The following TBL1XR1 variants were observed in gnomAD, a reference collection of about 807,000 sequenced individuals.
TBL1XR1 encodes TBL1X/Y related 1.
TBL1XR1 carries 5 observed loss-of-function variants against 66.9 expected under a neutral mutation model. That is an observed-to-expected ratio of 0.07 (90% CI 0.04 to 0.16). The LOEUF (loss-of-function observed/expected upper bound fraction) is 0.16. Ranked by LOEUF, TBL1XR1 falls within the 10% of genes least tolerant of loss-of-function variation. The pLI, the probability that TBL1XR1 is intolerant of heterozygous loss-of-function variation, is 1.00. For missense variants in TBL1XR1, 238 were observed against 623.2 expected (o/e 0.38, Z 6.58); for synonymous variants, 210 against 206.0 (o/e 1.02, Z -0.17).
intron 2 of TBL1XR1, among the ~76,000 whole-genome samples, chr3:177,075,193 G>A (rs1187471903): frequency 6.6e-6 from 1 of 152,194 alleles, no homozygotes; most frequent in Non-Finnish European, 1.5e-5. Context: ...TTCCAGCTTC[G>A]GTAGCACCCG....
chr3:177,038,211 G>C, intron 11 of TBL1XR1, 39 bp from the exon 12 acceptor site: 1 of 1,606,524 alleles, frequency 6.2e-7, no homozygotes, highest in African/African-American at 1.3e-5. Context: ...TCATTGTATA[G>C]ACTGGGTAGC....
rs554838673 is a variant in TBL1XR1, at chr3:177,036,613, A to G, written c.1122+1485T>C. Among the ~76,000 whole-genome samples the G allele has an allele frequency of 3.9e-5, 6 of 152,338 alleles. No individual in the cohort carries two copies. The South Asian group carries it at 1.2e-3, about 32-fold the overall frequency. On this transcript the variant is annotated intron_variant, in intron 12 of 15. Coordinates refer to ENST00000457928, the MANE Select transcript of TBL1XR1 (RefSeq NM_024665.7). Reference sequence around the variant, plus strand: ...TTCCAGAAGAAGTTTTTTTCATGTTATAAGCATTAATACGTGTGCACATAA... The same window carrying G: ...TTCCAGAAGAAGTTTTTTTCATGTTGTAAGCATTAATACGTGTGCACATAA...
At chr3:177,036,718 G>A (rs776446425) in intron 12 of TBL1XR1, among the ~76,000 whole-genome samples, 2 of 152,168 alleles carry the variant, frequency 1.3e-5, no homozygotes. Flanking sequence ...AAGAAGAACT[G>A]TCTAAAAACA....
intron 1 of TBL1XR1, among the ~76,000 whole-genome samples, chr3:177,194,618 T>C (rs80081600): frequency 0.064 from 9,715 of 152,218 alleles, 921 homozygotes; most frequent in East Asian, 0.49. Context: ...ACTGCACTGA[T>C]AGATTTAATC....
chr3:177,191,095 G>C (rs544442831), intron 1 of TBL1XR1, among the ~76,000 whole-genome samples: 2 of 152,072 alleles, frequency 1.3e-5, no homozygotes, highest in Non-Finnish European at 2.9e-5. Flanking sequence ...AAAAACTACC[G>C]TATTTGAGAG....
chr3:177,111,105 A>G (rs1182074246), intron 1 of TBL1XR1, among the ~76,000 whole-genome samples: 1 of 151,950 alleles, frequency 6.6e-6, no homozygotes, highest in Non-Finnish European at 1.5e-5. Flanking sequence ...ACACAACAGG[A>G]GGACATGCAA....
intron 2 of TBL1XR1, among the ~76,000 whole-genome samples, chr3:177,071,185 C>T (rs532324406): frequency 6.6e-6 from 1 of 151,922 alleles, no homozygotes; most frequent in African/African-American, 2.4e-5. Context: ...CACCCGCCAC[C>T]GTGCCCGGCT....
chr3:177,049,583 T>C (rs1175630844), intron 7 of TBL1XR1, among the ~76,000 whole-genome samples: 2 of 152,148 alleles, frequency 1.3e-5, no homozygotes, highest in East Asian at 3.8e-4. Context: ...AACAAGAACA[T>C]GTTTTTTGCT....
At chr3:177,098,396 T>G in intron 2 of TBL1XR1, 70 bp downstream of exon 2, 1 of 902,168 alleles carries the variant, frequency 1.1e-6, no homozygotes, top group Non-Finnish European at 1.3e-6. Flanking sequence ...TGAGAAACTT[T>G]CAAAATTCTC....
At chr3:177,178,645 G>C (rs189365502) in intron 1 of TBL1XR1, among the ~76,000 whole-genome samples, 144 of 152,258 alleles carry the variant, frequency 9.5e-4, no homozygotes, top group African/African-American at 3.4e-3. Context: ...TCAGGAGTTC[G>C]AGACCAGCTT....
chr3:177,082,527 G>A (rs914153519), intron 2 of TBL1XR1, among the ~76,000 whole-genome samples: 1 of 151,148 alleles, frequency 6.6e-6, no homozygotes, highest in African/African-American at 2.4e-5. Context: ...ATAACTATCA[G>A]ATTAACTTTC....
In TBL1XR1 at chr3:177,054,758, T is replaced by C. The variant is rs536079715; in HGVS notation, c.59-840A>G. Among the ~76,000 whole-genome samples, 82 of 152,314 alleles carry C rather than the reference T, an allele frequency of 5.4e-4. No individual in the cohort carries two copies. In the Middle Eastern group the frequency reaches 0.01, roughly 19 times the overall value. ...GCCACTTAGTAATAACTCATCTATA[T>C]GAAATATTTAAGAAATGAACAGCTA... On this transcript the variant is annotated intron_variant, in intron 3 of 15. Coordinates refer to ENST00000457928, the MANE Select transcript of TBL1XR1 (RefSeq NM_024665.7).
At chr3:177,199,233 C>G (rs1483464981), upstream of TBL1XR1, among the ~76,000 whole-genome samples, 1 of 152,192 alleles carries the variant, frequency 6.6e-6, no homozygotes, top group African/African-American at 2.4e-5. Context: ...TGCAGGTTTC[C>G]AAAACACTAT....
intron 2 of TBL1XR1, among the ~76,000 whole-genome samples, chr3:177,070,011 T>C (rs1238383986): frequency 1.3e-5 from 2 of 152,218 alleles, no homozygotes; most frequent in Non-Finnish European, 2.9e-5. Flanking sequence ...TAAGAATGGT[T>C]TTCACAAAAT....
At chr3:177,192,444 A>G (rs970447960) in intron 1 of TBL1XR1, among the ~76,000 whole-genome samples, 1 of 151,988 alleles carries the variant, frequency 6.6e-6, no homozygotes, top group Non-Finnish European at 1.5e-5. Context: ...AATGTTTCAA[A>G]TGGTGCAAGT....
At chr3:177,156,315 T>C (rs1240231107) in intron 1 of TBL1XR1, among the ~76,000 whole-genome samples, 2 of 151,310 alleles carry the variant, frequency 1.3e-5, no homozygotes, top group Non-Finnish European at 2.9e-5. Flanking sequence ...CTGGCCAACA[T>C]GGCAAAACCC....
At chr3:177,171,031 G>A (rs535361081) in intron 1 of TBL1XR1, among the ~76,000 whole-genome samples, 12 of 152,016 alleles carry the variant, frequency 7.9e-5, no homozygotes, top group East Asian at 5.8e-4. Context: ...ATACAATCAC[G>A]TTCAAGCCAA....
chr3:177,076,262 T>G (rs1720689897), intron 2 of TBL1XR1, among the ~76,000 whole-genome samples: 1 of 152,180 alleles, frequency 6.6e-6, no homozygotes, highest in African/African-American at 2.4e-5. Flanking sequence ...GGAGATCAGG[T>G]TTCAACATAA....
chr3:177,019,799 T>A lies in TBL1XR1; in HGVS notation c.*5699A>T, dbSNP rs1560083059. The A allele has an allele frequency of 2.0e-5, 3 of 152,110 alleles. No homozygotes were observed. Among genetic ancestry groups the A allele is most frequent in the Admixed American group, 1.3e-4 (2 of 15,264 alleles). The allele number at this position is 152,110 out of a possible 1,614,324, so 9.4% of individuals were successfully genotyped here. Reference sequence around the variant, plus strand: ...AGGAGTCCAACCCTTTTTGGAAAAGTATACAATGCAGGATATTACTAATAA... The same window carrying A: ...AGGAGTCCAACCCTTTTTGGAAAAGAATACAATGCAGGATATTACTAATAA... On this transcript the variant is annotated 3_prime_UTR_variant, in exon 16 of 16. Coordinates refer to ENST00000457928, the MANE Select transcript of TBL1XR1 (RefSeq NM_024665.7).
Sources: allele counts gnomAD v4.1 joint callset (sites outside exome capture counted in the v4.1 genomes callset), GRCh38; gene constraint gnomAD v4.1.1; transcripts MANE v1.5; gene names NCBI Gene and HGNC (gene_info 2026-07-23, HGNC 2026-07-21).